Variants in DEFB134 observed in about 807,000 individuals in gnomAD.
The protein encoded by DEFB134 is beta-defensin 134.
Under a neutral mutation model 7.4 loss-of-function variants are expected in DEFB134, and 7 were observed. The ratio of observed to expected loss-of-function variants is 0.95; its 90% confidence interval spans 0.54 to 1.79. The LOEUF (loss-of-function observed/expected upper bound fraction) is 1.79, where lower values mean the gene tolerates loss of function less well. Ranked by LOEUF, DEFB134 falls within the 40% of genes most tolerant of loss-of-function variation. The probability of loss-of-function intolerance (pLI) is 0.00; values close to 1 mark genes in which losing one functional copy is unlikely to be tolerated. For missense variants in DEFB134, 105 were observed against 74.8 expected, an observed-to-expected ratio of 1.40 and a Z score of -1.49; for synonymous variants, 33 against 25.0, an observed-to-expected ratio of 1.32 and a Z score of -0.96.
chr8:12,000,140 A>G (rs1440029019), upstream of DEFB134, among the ~76,000 whole-genome samples: 1 of 152,266 alleles, frequency 6.6e-6, no homozygotes, highest in Non-Finnish European at 1.5e-5. Context: ...AATGTATTCT[A>G]GCCAACAGTG....
exon 2 of DEFB134, chr8:11,993,841 C>G: frequency 2.6e-6 from 3 of 1,166,972 alleles, no homozygotes; most frequent in Non-Finnish European, 3.5e-6. Flanking sequence ...CCACAAGAGT[C>G]TGCTGGCCTA....
chr8:11,998,077 C>T (rs73195064), upstream of DEFB134, among the ~76,000 whole-genome samples: 961 of 152,272 alleles, frequency 6.3e-3, 5 homozygotes, highest in Non-Finnish European at 8.9e-3. Flanking sequence ...CAAAACTATA[C>T]AAGTACATGG....
chr8:11,997,292 A>G (rs574424365), upstream of DEFB134, among the ~76,000 whole-genome samples: 2 of 152,358 alleles, frequency 1.3e-5, no homozygotes, highest in South Asian at 4.1e-4. Flanking sequence ...GCATGGCTAT[A>G]CATCTATGTG....
At chr8:11,997,406 T>C (rs1239080280), upstream of DEFB134, among the ~76,000 whole-genome samples, 2 of 152,220 alleles carry the variant, frequency 1.3e-5, no homozygotes, top group African/African-American at 4.8e-5. Flanking sequence ...TATGGATATA[T>C]GCTTTCATTT....
At chr8:11,995,301 A>C (rs992103277) in intron 1 of DEFB134, among the ~76,000 whole-genome samples, 4 of 152,222 alleles carry the variant, frequency 2.6e-5, no homozygotes, top group African/African-American at 7.2e-5. Context: ...CAGCTTTAAG[A>C]GGCCTTGATC....
upstream of DEFB134, among the ~76,000 whole-genome samples, chr8:12,000,610 A>G (rs1800244902): frequency 6.6e-6 from 1 of 152,160 alleles, no homozygotes; most frequent in Non-Finnish European, 1.5e-5. Context: ...GATTTTAATA[A>G]CAATAACTAA....
chr8:11,995,366 T>C (rs1431306473), intron 1 of DEFB134, among the ~76,000 whole-genome samples: 4 of 152,174 alleles, frequency 2.6e-5, no homozygotes, highest in Non-Finnish European at 4.4e-5. Context: ...ATGTGATTCA[T>C]TTGCCTGGAG....
chr8:11,999,358 G>A (rs1236053573), upstream of DEFB134: 1 of 215,502 alleles, frequency 4.6e-6, no homozygotes, highest in Non-Finnish European at 1.0e-5. Context: ...TGGGATACTG[G>A]CATTGCCCAT....
chr8:12,000,369 G>A (rs1009239502), upstream of DEFB134, among the ~76,000 whole-genome samples: 3 of 152,094 alleles, frequency 2.0e-5, no homozygotes, highest in Admixed American at 6.5e-5. Context: ...AAGTCTAGCA[G>A]GCCATCAGTG....
chr8:11,998,478 A>G (rs937976365), upstream of DEFB134, among the ~76,000 whole-genome samples: 1 of 152,076 alleles, frequency 6.6e-6, no homozygotes, highest in Admixed American at 6.5e-5. Flanking sequence ...AATAAAAAAG[A>G]GACGTTCATT....
upstream of DEFB134, among the ~76,000 whole-genome samples, chr8:11,997,961 A>T (rs1173780664): frequency 6.6e-6 from 1 of 152,208 alleles, no homozygotes; most frequent in Non-Finnish European, 1.5e-5. Flanking sequence ...GATCAACCAC[A>T]TGCTTGGCCA....
chr8:11,993,841 C>T (rs981891238), exon 2 of DEFB134: 11 of 1,166,854 alleles, frequency 9.4e-6, no homozygotes, highest in African/African-American at 9.4e-5. Context: ...CCACAAGAGT[C>T]TGCTGGCCTA....
At chr8:11,997,797 T>C (rs1048372685), upstream of DEFB134, among the ~76,000 whole-genome samples, 1 of 152,160 alleles carries the variant, frequency 6.6e-6, no homozygotes, top group East Asian at 1.9e-4. Flanking sequence ...CCACTGACAG[T>C]GTTAAGCAGA....
At chr8:12,000,409 G>A (rs1800239953), upstream of DEFB134, among the ~76,000 whole-genome samples, 1 of 152,148 alleles carries the variant, frequency 6.6e-6, no homozygotes. Flanking sequence ...ATAAATAAAT[G>A]AACTCTAGAT....
chr8:11,994,249 G>GA, intron 1 of DEFB134, 127 bp from the exon 3 acceptor site: 2 of 1,189,944 alleles, frequency 1.7e-6, no homozygotes, highest in Non-Finnish European at 2.3e-6. Context: ...TCCTGTAACT[G>GA]AAAAAATTAA....
At chr8:11,993,985 G>A (rs1800047817) in exon 2 of DEFB134, 1 of 1,612,784 alleles carries the variant, frequency 6.2e-7, no homozygotes, top group East Asian at 2.2e-5. Flanking sequence ...TTATGTCAGG[G>A]TGCAGGATTT....
intron 1 of DEFB134, among the ~76,000 whole-genome samples, chr8:11,994,936 T>G (rs1018625271): frequency 2.6e-5 from 4 of 152,156 alleles, no homozygotes; most frequent in African/African-American, 9.7e-5. Context: ...TGAAGGAGGA[T>G]GAAATCAATT....
chr8:11,993,785 C>T (rs994134868), exon 2 of DEFB134: 27 of 595,416 alleles, frequency 4.5e-5, no homozygotes, highest in South Asian at 4.1e-4. Flanking sequence ...TGTGAAAAAC[C>T]GAGCTCTTTT....
exon 2 of DEFB134, chr8:11,993,956 G>C: frequency 1.9e-6 from 3 of 1,609,224 alleles, no homozygotes; most frequent in South Asian, 2.2e-5. Context: ...CTACAGGATA[G>C]TGGCCATTCA....
Sources: allele counts gnomAD v4.1 joint callset (sites outside exome capture counted in the v4.1 genomes callset), GRCh38; gene constraint gnomAD v4.1.1; transcripts MANE v1.5; gene names NCBI Gene and HGNC (gene_info 2026-07-23, HGNC 2026-07-21).